PRR16: variants seen among roughly 807,000 people sequenced by gnomAD.
PRR16 encodes protein Largen.
In PRR16, 6 loss-of-function variants were observed where a neutral mutation model predicts 18.2. The ratio of observed to expected loss-of-function variants is 0.33; its 90% CI spans 0.18 to 0.65. PRR16 has a LOEUF of 0.65. Among genes scored for constraint, PRR16 ranks in the 30% least tolerant of loss-of-function variants. The probability of loss-of-function intolerance (pLI) is 0.74; values close to 1 mark genes in which losing one functional copy is unlikely to be tolerated. For missense variants in PRR16, 412 were observed against 376.6 expected (o/e 1.09, Z -0.78); for synonymous variants, 151 against 147.8 (o/e 1.02, Z -0.16).
chr5:120,613,205 A>G (rs1012025110), intron 1 of PRR16, among the ~76,000 whole-genome samples: 1 of 152,196 alleles, frequency 6.6e-6, no homozygotes, highest in Non-Finnish European at 1.5e-5. Context: ...TTTTAAAACA[A>G]GGGTTGTGTT....
chr5:120,495,530 T>C (rs1360957845), intron 1 of PRR16, among the ~76,000 whole-genome samples: 2 of 152,132 alleles, frequency 1.3e-5, no homozygotes, highest in African/African-American at 4.8e-5. Flanking sequence ...GCTCAGCACA[T>C]GGAAAATTCA....
the PRR16 span, among the ~76,000 whole-genome samples, chr5:120,701,501 A>G: frequency 6.6e-6 from 1 of 152,148 alleles, no homozygotes. Context: ...TTAAGAGTAA[A>G]TTGCTGGGCA....
the PRR16 span, among the ~76,000 whole-genome samples, chr5:120,786,252 A>G: frequency 6.6e-6 from 1 of 151,694 alleles, no homozygotes; most frequent in African/African-American, 2.4e-5. Context: ...TTTCCATAAA[A>G]ATAAAAATTA....
intron 1 of PRR16, among the ~76,000 whole-genome samples, chr5:120,656,286 C>A (rs1013676176): frequency 6.6e-6 from 1 of 151,756 alleles, no homozygotes; most frequent in Non-Finnish European, 1.5e-5. Flanking sequence ...GTATAGCTAA[C>A]TTATAATATC....
chr5:120,708,456 G>A, the PRR16 span, among the ~76,000 whole-genome samples: 5 of 152,168 alleles, frequency 3.3e-5, no homozygotes, highest in Non-Finnish European at 7.4e-5. Context: ...AATTTTAATT[G>A]TCAGAAAATG....
At chr5:120,738,301 A>G in the PRR16 span, among the ~76,000 whole-genome samples, 1 of 152,058 alleles carries the variant, frequency 6.6e-6, no homozygotes, top group Non-Finnish European at 1.5e-5. Context: ...AAAGTTAAAT[A>G]TTTCATTAAG....
chr5:120,582,307 G>T (rs975617867), intron 1 of PRR16, among the ~76,000 whole-genome samples: 3 of 152,058 alleles, frequency 2.0e-5, no homozygotes, highest in Non-Finnish European at 4.4e-5. Flanking sequence ...TCTAAAAAGG[G>T]CATAAGGAGG....
the PRR16 span, among the ~76,000 whole-genome samples, chr5:120,733,801 C>G: frequency 6.6e-6 from 1 of 152,108 alleles, no homozygotes; most frequent in East Asian, 1.9e-4. Context: ...CAATTGTTTT[C>G]TTTCATTTTG....
At chr5:120,703,082 G>A in the PRR16 span, among the ~76,000 whole-genome samples, 1 of 152,146 alleles carries the variant, frequency 6.6e-6, no homozygotes, top group Non-Finnish European at 1.5e-5. Flanking sequence ...AGATAAGGGT[G>A]GGGCCATTTT....
chr5:120,754,558 A>AT, the PRR16 span, among the ~76,000 whole-genome samples: 9,721 of 77,144 alleles, frequency 0.13, 725 homozygotes, highest in African/African-American at 0.23. Flanking sequence ...TATAATATAT[A>AT]TTATATAATA....
intron 1 of PRR16, among the ~76,000 whole-genome samples, chr5:120,474,809 A>T (rs1296614582): frequency 6.6e-6 from 1 of 152,110 alleles, no homozygotes; most frequent in African/African-American, 2.4e-5. Context: ...GGAGAAAAAA[A>T]GGAGAAACTC....
the PRR16 span, among the ~76,000 whole-genome samples, chr5:120,716,586 G>A: frequency 6.6e-6 from 1 of 152,032 alleles, no homozygotes; most frequent in Non-Finnish European, 1.5e-5. Flanking sequence ...TTAACACATG[G>A]TCCTTGGGGC....
chr5:120,786,282 T>C, the PRR16 span, among the ~76,000 whole-genome samples: 2 of 151,734 alleles, frequency 1.3e-5, no homozygotes, highest in African/African-American at 4.8e-5. Flanking sequence ...AACTTTCAAG[T>C]TTTATTTTCA....
intron 1 of PRR16, among the ~76,000 whole-genome samples, chr5:120,490,755 G>T (rs1376386358): frequency 2.6e-4 from 3 of 11,534 alleles, no homozygotes; most frequent in Non-Finnish European, 5.2e-4. Context: ...CAGTTTTTCT[G>T]CTCTGTTTTT....
chr5:120,465,495 G>C (rs533495076), intron 1 of PRR16: 4 of 152,366 alleles, frequency 2.6e-5, no homozygotes, highest in African/African-American at 9.6e-5. Context: ...CCCTACTCCC[G>C]CCCGCCCCTA....
intron 1 of PRR16, among the ~76,000 whole-genome samples, chr5:120,611,884 C>G (rs975018850): frequency 6.6e-6 from 1 of 152,150 alleles, no homozygotes; most frequent in Admixed American, 6.5e-5. Flanking sequence ...ACAGCTTGCA[C>G]TGTGCACCTG....
chr5:120,490,466 C>T (rs760715201), intron 1 of PRR16, among the ~76,000 whole-genome samples: 69 of 152,264 alleles, frequency 4.5e-4, no homozygotes, highest in Non-Finnish European at 7.6e-4. Flanking sequence ...CTTGTGTATT[C>T]GTCACGTGGT....
chr5:120,555,535 G>C (rs1488897465), intron 1 of PRR16, among the ~76,000 whole-genome samples: 1 of 147,998 alleles, frequency 6.8e-6, no homozygotes, highest in Non-Finnish European at 1.5e-5. Flanking sequence ...GGGAGAGATA[G>C]AGAGAGAGAG....
chr5:120,467,319 CTCT>C lies in PRR16; in HGVS notation c.159+2679_159+2681del, dbSNP rs1396208167. On this transcript the variant is annotated intron_variant, in intron 1 of 1. Transcript: ENST00000407149. ...TATTTTAATATAAATTATCGGCGAG[CTCT>C]TCTTAACTTGCAACAGAAATTAAAA... is the stretch of plus-strand genomic sequence containing the variant. 1.7e-4 allele frequency among the ~76,000 whole-genome samples: 26 copies of C among 152,190 alleles called. No individual in the cohort carries two copies. The East Asian group carries it at 5.0e-3, about 29-fold the overall frequency.
Sources: allele counts gnomAD v4.1 joint callset (sites outside exome capture counted in the v4.1 genomes callset), GRCh38; gene constraint gnomAD v4.1.1; transcripts MANE v1.5; gene names NCBI Gene and HGNC (gene_info 2026-07-23, HGNC 2026-07-21).